The following OMA1 variants were observed in gnomAD, a reference collection of about 807,000 sequenced individuals.
OMA1 encodes the protein metalloendopeptidase OMA1, mitochondrial.
A neutral mutation model predicts 30.9 loss-of-function variants in OMA1; 38 were observed. The observed-to-expected ratio is 1.23, with a 90% CI of 0.95 to 1.61. OMA1 has a LOEUF of 1.61. OMA1 is among the 40% of genes most tolerant of loss of function. OMA1 has a pLI of 0.00. For missense variants in OMA1, 461 were observed against 349.2 expected (o/e 1.32, Z -2.55); for synonymous variants, 173 against 121.9 (o/e 1.42, Z -2.76).
intron 8 of OMA1, among the ~76,000 whole-genome samples, chr1:58,501,983 A>G (rs1215025661): frequency 6.6e-6 from 1 of 152,110 alleles, no homozygotes; most frequent in Non-Finnish European, 1.5e-5. Flanking sequence ...TTACTGCAGA[A>G]TAAGCTTCAT....
At chr1:58,489,760 G>A (rs1221351693) in intron 8 of OMA1, among the ~76,000 whole-genome samples, 1 of 152,120 alleles carries the variant, frequency 6.6e-6, no homozygotes, top group Non-Finnish European at 1.5e-5. Flanking sequence ...GAGGAATGAT[G>A]AGGCAGCAAC....
chr1:58,483,772 CA>C (rs1645528584), intron 8 of OMA1, among the ~76,000 whole-genome samples: 1 of 152,214 alleles, frequency 6.6e-6, no homozygotes, highest in Non-Finnish European at 1.5e-5. Context: ...ACTGAGACAT[CA>C]GGCATGAGCC....
At chr1:58,525,793 A>C (rs2100462254) in intron 7 of OMA1, among the ~76,000 whole-genome samples, 1 of 152,228 alleles carries the variant, frequency 6.6e-6, no homozygotes, top group East Asian at 1.9e-4. Context: ...ACTGGAGGAC[A>C]GAAGCTTCAG....
At chr1:58,519,758 AT>A (rs1424786765) in intron 7 of OMA1, among the ~76,000 whole-genome samples, 1 of 152,212 alleles carries the variant, frequency 6.6e-6, no homozygotes, top group Non-Finnish European at 1.5e-5. Context: ...AAAATATATG[AT>A]TAACATATTC....
chr1:58,534,599 G>A (rs865843462), intron 3 of OMA1, among the ~76,000 whole-genome samples: 4 of 152,072 alleles, frequency 2.6e-5, no homozygotes, highest in East Asian at 1.9e-4. Flanking sequence ...AACTACAAAC[G>A]AATACTTAAG....
At chr1:58,529,938 T>A (rs188455082) in intron 6 of OMA1, among the ~76,000 whole-genome samples, 52 of 152,226 alleles carry the variant, frequency 3.4e-4, no homozygotes, top group African/African-American at 1.1e-3. Flanking sequence ...TGGAGTGCAG[T>A]GGCGCAATCT....
At chr1:58,539,502 T>C (rs1376574360) in intron 1 of OMA1, among the ~76,000 whole-genome samples, 192 bp from the exon 2 acceptor site, 1 of 152,088 alleles carries the variant, frequency 6.6e-6, no homozygotes, top group East Asian at 1.9e-4. Flanking sequence ...TACCACGATA[T>C]TTACTATGCA....
intron 6 of OMA1, among the ~76,000 whole-genome samples, chr1:58,529,386 G>A (rs1286318316): frequency 7.2e-5 from 11 of 152,140 alleles, no homozygotes; most frequent in Non-Finnish European, 1.6e-4. Context: ...AAAAATTATG[G>A]TTAACAAAGT....
intron 8 of OMA1, among the ~76,000 whole-genome samples, chr1:58,493,661 T>C (rs1411984816): frequency 6.6e-6 from 1 of 151,560 alleles, no homozygotes; most frequent in South Asian, 2.1e-4. Flanking sequence ...TGAACTCCCA[T>C]TCACAATTGC....
At chr1:58,503,746 T>C (rs972964063) in intron 8 of OMA1, among the ~76,000 whole-genome samples, 11 of 152,222 alleles carry the variant, frequency 7.2e-5, no homozygotes, top group Middle Eastern at 3.4e-3. Context: ...CTGTTGGAAA[T>C]TGGATCTAAG....
intron 8 of OMA1, among the ~76,000 whole-genome samples, chr1:58,489,147 C>T (rs1291856765): frequency 2.0e-5 from 3 of 152,202 alleles, no homozygotes; most frequent in Admixed American, 1.3e-4. Flanking sequence ...GGCAAGGCAT[C>T]GTGTCACCCG....
intron 5 of OMA1, 30 bp from the exon 6 acceptor site, chr1:58,530,759 ATTT>A: frequency 1.2e-6 from 1 of 862,660 alleles, no homozygotes; most frequent in Non-Finnish European, 2.0e-6. Flanking sequence ...TAAAAACTAC[ATTT>A]TATACATTGA....
intron 6 of OMA1, among the ~76,000 whole-genome samples, chr1:58,528,321 T>C (rs1338060955): frequency 6.6e-6 from 1 of 152,218 alleles, no homozygotes. Context: ...AGCTAATTGT[T>C]TAACCCTGCT....
chr1:58,522,156 A>C (rs7355030), intron 7 of OMA1, among the ~76,000 whole-genome samples: 17,674 of 152,134 alleles, frequency 0.12, 1,221 homozygotes, highest in African/African-American at 0.18. Context: ...TAATCATCTC[A>C]ATACAGGCAG....
At chr1:58,508,142 G>C (rs1003055586) in intron 7 of OMA1, among the ~76,000 whole-genome samples, 1 of 152,066 alleles carries the variant, frequency 6.6e-6, no homozygotes, top group Non-Finnish European at 1.5e-5. Context: ...CTACAGACTA[G>C]AAAGTATTCC....
chr1:58,544,617 G>A (rs757503170), intron 1 of OMA1, among the ~76,000 whole-genome samples: 2 of 152,044 alleles, frequency 1.3e-5, no homozygotes, highest in African/African-American at 4.8e-5. Context: ...TTCGAGACAG[G>A]GTCTCACTTT....
At chr1:58,485,533 C>A (rs1051251702) in intron 8 of OMA1, among the ~76,000 whole-genome samples, 10 of 152,090 alleles carry the variant, frequency 6.6e-5, no homozygotes, top group Admixed American at 3.9e-4. Context: ...TATGACCATA[C>A]ATATTTCTAT....
At chr1:58,517,422 TCAAC>T (rs755650276) in intron 7 of OMA1, among the ~76,000 whole-genome samples, 1 of 152,212 alleles carries the variant, frequency 6.6e-6, no homozygotes, top group African/African-American at 2.4e-5. Flanking sequence ...ACTACACCTA[TCAAC>T]ATCTTCATCA....
chr1:58,542,021 A>G (rs990420525), intron 1 of OMA1, among the ~76,000 whole-genome samples: 3 of 152,244 alleles, frequency 2.0e-5, no homozygotes, highest in African/African-American at 7.2e-5. Flanking sequence ...CAGGACTACC[A>G]GTTTTAATAG....
Sources: gnomAD v4.1 joint callset for allele counts (sites outside exome capture counted in the v4.1 genomes callset) on GRCh38, gnomAD v4.1.1 for gene constraint, MANE v1.5 for transcripts, NCBI Gene and HGNC (gene_info 2026-07-23, HGNC 2026-07-21) for gene names.